The following FBLN5 variants were observed in gnomAD, a reference collection of about 807,000 sequenced individuals.
The protein encoded by FBLN5 is fibulin-5.
FBLN5 carries 24 observed loss-of-function variants against 61.6 expected under a neutral mutation model. The observed-to-expected ratio is 0.39, with a 90% CI of 0.28 to 0.55. The LOEUF is 0.55. Ranked by LOEUF, FBLN5 falls within the 20% of genes least tolerant of loss-of-function variation. The pLI, the probability that FBLN5 is intolerant of heterozygous loss-of-function variation, is 0.65. For synonymous variants in FBLN5, 213 were observed against 219.8 expected (o/e 0.97, Z 0.27); for missense variants, 470 against 594.1 (o/e 0.79, Z 2.17).
chr14:91,887,636 C>G (rs1450424570), intron 6 of FBLN5, among the ~76,000 whole-genome samples: 1 of 152,174 alleles, frequency 6.6e-6, no homozygotes, highest in African/African-American at 2.4e-5. Flanking sequence ...CCAGGAATTT[C>G]CAGGCAATAC....
At chr14:91,907,410 T>G (rs1275907140) in intron 4 of FBLN5, among the ~76,000 whole-genome samples, 2 of 152,168 alleles carry the variant, frequency 1.3e-5, no homozygotes, top group Non-Finnish European at 2.9e-5. Context: ...AACCAGCGTT[T>G]TCAAGGTCTC....
rs756637416 is a variant in FBLN5, at chr14:91,937,116, G to C, written c.210C>G (p.Pro70=). ...VNQNGGYLCI[P]RTNPVYRGPY... is the part of the protein sequence containing the mutation. The stretch of plus-strand genomic sequence containing the variant: ...GCCCTCGATACACAGGGTTTGTCCG[G>C]GGAATGCATAAATACCCGCCATTTT... Residue 70 remains proline (P), a synonymous_variant, in exon 4 of 11, where the codon CCC becomes CCG. Transcript: ENST00000342058. 3 of 1,613,936 alleles carry C rather than the reference G, an allele frequency of 1.9e-6. No homozygotes were observed. The African/African-American group carries it at 4.0e-5, about 22-fold the overall frequency.
At chr14:91,920,024 G>C (rs2055707011) in intron 4 of FBLN5, among the ~76,000 whole-genome samples, 3 of 152,158 alleles carry the variant, frequency 2.0e-5, no homozygotes, top group Non-Finnish European at 1.5e-5. Context: ...TTGTTGACTA[G>C]AACTTATTAG....
rs144418610 is a variant in FBLN5, at chr14:91,932,857, C to T, written c.379+4090G>A. On this transcript the variant is annotated intron_variant, in intron 4 of 10. Coordinates refer to ENST00000342058, the MANE Select transcript of FBLN5 (RefSeq NM_006329.4). ...TAAAGACTAAAAGACATTTAAGAGACTTGTCAACCAATGCAATTTGCAGAA... is the reference window on the plus strand; with the variant it reads ...TAAAGACTAAAAGACATTTAAGAGATTTGTCAACCAATGCAATTTGCAGAA... Among the ~76,000 whole-genome samples, 1,244 of 152,338 alleles carry T rather than the reference C, an allele frequency of 8.2e-3. 15 individuals carry two copies. Among genetic ancestry groups the T allele is most frequent in the African/African-American group, 0.027 (1,131 of 41,574 alleles).
chr14:91,877,428 G>A, intron 10 of FBLN5, 59 bp downstream of exon 10: 2 of 1,379,380 alleles, frequency 1.4e-6, no homozygotes, highest in Non-Finnish European at 2.1e-6. Context: ...CACGTTCCTA[G>A]GAGAGACAGC....
At position 91,895,002 on chromosome 14, in the gene FBLN5, C is replaced by A; in HGVS notation, c.450G>T (p.Gly150=). Residue 150 remains glycine (G), a synonymous_variant, in exon 5 of 11, where the codon GGG becomes GGT. Coordinates refer to ENST00000342058, the MANE Select transcript of FBLN5 (RefSeq NM_006329.4). ...PTQICINTEG[G]YTCSCTDGYW... ...ATCCGTCGGTGCAGGAGCAGGTGTA[C>A]CCGCCTTCAGTATTGATGCAGATCT... 6.2e-7 allele frequency: 1 copy of A among 1,614,088 alleles called. No homozygotes were observed. Among genetic ancestry groups the A allele is most frequent in the Non-Finnish European group, 8.5e-7 (1 of 1,179,974 alleles).
intron 4 of FBLN5, among the ~76,000 whole-genome samples, chr14:91,912,735 G>A (rs1001162987): frequency 4.6e-5 from 7 of 151,220 alleles, no homozygotes; most frequent in East Asian, 1.9e-4. Flanking sequence ...GCTTGAGCCC[G>A]GGAAATCGAG....
intron 7 of FBLN5, among the ~76,000 whole-genome samples, chr14:91,884,845 T>C (rs985823734): frequency 1.3e-5 from 2 of 152,236 alleles, no homozygotes; most frequent in African/African-American, 2.4e-5. Context: ...CGGTTTATCT[T>C]TGGGTCTGCA....
chr14:91,883,877 C>T (rs527576470), intron 7 of FBLN5, among the ~76,000 whole-genome samples: 2 of 152,080 alleles, frequency 1.3e-5, no homozygotes, highest in East Asian at 3.9e-4. Context: ...TGGGCTATGG[C>T]GGTTGATGCA....
chr14:91,869,978 C>G lies in FBLN5; in HGVS notation c.*246G>C. On this transcript the variant is annotated 3_prime_UTR_variant, in exon 11 of 11. Coordinates refer to ENST00000342058, the MANE Select transcript of FBLN5 (RefSeq NM_006329.4). ...GCCTTGAAAATTCACCAACAATCTT[C>G]TATCAGGGGAGCAATGATAATACTT... The G allele has an allele frequency of 1.9e-6, 1 of 524,194 alleles. No individual in the cohort carries two copies. 32.5% of individuals were successfully genotyped at this position (524,194 alleles called of 1,614,324 possible). A position where few individuals can be genotyped will look rare whatever the true frequency, so the allele number is the denominator to read the frequency against.
rs1889556129 is a variant in FBLN5 at position 91,883,149 on chromosome 14, T to A, written c.740-73A>T. 6 of 1,534,752 alleles carry A rather than the reference T, an allele frequency of 3.9e-6. No homozygotes were observed. The African/African-American group carries it at 8.2e-5, about 21-fold the overall frequency. On this transcript the variant is annotated intron_variant, in intron 7 of 10. Coordinates refer to ENST00000342058, the MANE Select transcript of FBLN5 (RefSeq NM_006329.4). Reference sequence around the variant, plus strand: ...GGATGGGAGCTTAGTGGCCATCTACTCCAACTCTCACACTGTCTTGATACA... The same window carrying A: ...GGATGGGAGCTTAGTGGCCATCTACACCAACTCTCACACTGTCTTGATACA...
At chr14:91,940,828 G>C (rs970132142) in intron 2 of FBLN5, among the ~76,000 whole-genome samples, 1 of 152,126 alleles carries the variant, frequency 6.6e-6, no homozygotes, top group Non-Finnish European at 1.5e-5. Flanking sequence ...CACCAGGCCA[G>C]GCGCAGTGGC....
chr14:91,872,540 G>A lies in FBLN5; in HGVS notation c.1186-2155C>T, dbSNP rs113314558. On this transcript the variant is annotated intron_variant, in intron 10 of 10. Coordinates refer to ENST00000342058, the MANE Select transcript of FBLN5 (RefSeq NM_006329.4). ...TTATCTGTCTCCATAAAAGGAGGGC[G>A]CCCCATAAAGTTCTGAACATCCCCA... is the stretch of plus-strand genomic sequence containing the variant. Among the ~76,000 whole-genome samples the A allele has an allele frequency of 3.3e-3, 505 of 152,246 alleles. 5 individuals carry two copies. The highest frequency in any genetic ancestry group is 0.011 in the African/African-American group (453 of 41,534).
intron 9 of FBLN5, among the ~76,000 whole-genome samples, chr14:91,879,855 T>C (rs2430344): frequency 0.67 from 101,799 of 152,102 alleles, 34,499 homozygotes; most frequent in Admixed American, 0.78. Context: ...GATGGGTGTG[T>C]CTGATTCATC....
At chr14:91,912,781 GC>G (rs1462764282) in intron 4 of FBLN5, among the ~76,000 whole-genome samples, 8 of 148,142 alleles carry the variant, frequency 5.4e-5, no homozygotes, top group Middle Eastern at 7.0e-3. Context: ...TTGCACTCCA[GC>G]CTGGGTGACA....
At chr14:91,875,033 T>C (rs1889104999) in intron 10 of FBLN5, among the ~76,000 whole-genome samples, 1 of 152,116 alleles carries the variant, frequency 6.6e-6, no homozygotes, top group Non-Finnish European at 1.5e-5. Context: ...TCTCACTATG[T>C]TGCCCAGGCT....
intron 5 of FBLN5, among the ~76,000 whole-genome samples, chr14:91,894,614 C>T (rs886728537): frequency 3.3e-5 from 5 of 151,690 alleles, no homozygotes; most frequent in African/African-American, 1.2e-4. Flanking sequence ...CCTAGCTACT[C>T]GGGAGGCTGA....
At chr14:91,923,739 A>C (rs1031579035) in intron 4 of FBLN5, among the ~76,000 whole-genome samples, 2 of 151,206 alleles carry the variant, frequency 1.3e-5, no homozygotes, top group African/African-American at 2.4e-5. Flanking sequence ...CAAAACCCCC[A>C]CTCACACCCA....
chr14:91,911,286 G>T (rs1890921321), intron 4 of FBLN5, among the ~76,000 whole-genome samples: 1 of 152,260 alleles, frequency 6.6e-6, no homozygotes, highest in East Asian at 1.9e-4. Flanking sequence ...CGCCTGGCCA[G>T]CTTTGTAATT....
Sources: allele counts gnomAD v4.1 joint callset (sites outside exome capture counted in the v4.1 genomes callset), GRCh38; gene constraint gnomAD v4.1.1; transcripts MANE v1.5; gene names NCBI Gene and HGNC (gene_info 2026-07-23, HGNC 2026-07-21).